GET1: variants seen among roughly 807,000 people sequenced by gnomAD.
The protein encoded by GET1 is congenital heart disease 5 protein.
Under a neutral mutation model 22.6 loss-of-function variants are expected in GET1, and 20 were observed. That is an observed-to-expected ratio of 0.89 (90% CI 0.62 to 1.29). The LOEUF (loss-of-function observed/expected upper bound fraction) is 1.29. GET1 is among the 50% of genes most tolerant of loss of function. The pLI is 0.00. For synonymous variants in GET1, 92 were observed against 83.8 expected, an observed-to-expected ratio of 1.10 and a Z score of -0.53; for missense variants, 209 against 219.9, an observed-to-expected ratio of 0.95 and a Z score of 0.31.
At chr21:39,384,894 T>A (rs914609889) in intron 1 of GET1, among the ~76,000 whole-genome samples, 52 of 152,250 alleles carry the variant, frequency 3.4e-4, no homozygotes, top group African/African-American at 1.2e-3. Flanking sequence ...TGTTAACACT[T>A]GTTGTTAGCC....
At chr21:39,409,937 TAAAG>T (rs548502656), downstream of GET1, 164 of 1,167,864 alleles carry the variant, frequency 1.4e-4, 1 homozygote, top group African/African-American at 2.3e-3. The surrounding 1 kb of genome is among the most constrained non-coding windows in gnomAD (Gnocchi z 4.2). Flanking sequence ...TTCACAATTT[TAAAG>T]AAATCAGATA....
At chr21:39,393,770 C>T (rs1473378131) in intron 4 of GET1, among the ~76,000 whole-genome samples, 3 of 152,092 alleles carry the variant, frequency 2.0e-5, no homozygotes, top group Non-Finnish European at 4.4e-5. Context: ...ATGCCTCAGC[C>T]TCCCAACTAG....
downstream of GET1, among the ~76,000 whole-genome samples, chr21:39,399,015 C>T (rs1245241754): frequency 6.6e-6 from 1 of 152,262 alleles, no homozygotes; most frequent in Admixed American, 6.5e-5. Context: ...GCTGGGATTA[C>T]AGGCGCAAGC....
rs66478742 is a variant in GET1, at chr21:39,414,742, C to CTGTG, written c.*23+3839_*23+3842dup. On this transcript the variant is annotated intron_variant, in intron 1 of 1. Coordinates refer to the GET1 transcript ENST00000478273. ...TCTCTCTCTCTCTCTCTCTCTCTCT[C>CTGTG]TGTGTGTGTGTGTGTGTGTGTGTGT... Among the ~76,000 whole-genome samples, 191 of 99,214 alleles carry CTGTG rather than the reference C, an allele frequency of 1.9e-3. 1 individual carries two copies. The highest frequency in any genetic ancestry group is 0.018 in the South Asian group (42 of 2,326). The allele number at this position is 99,214 out of a possible 152,430, so 65.1% of individuals were successfully genotyped here.
chr21:39,400,749 AATGCGT>A (rs2038819084), downstream of GET1, among the ~76,000 whole-genome samples: 1 of 152,130 alleles, frequency 6.6e-6, no homozygotes, highest in Non-Finnish European at 1.5e-5. Context: ...TTTGGGTTCT[AATGCGT>A]ATCAATCTAT....
intron 4 of GET1, among the ~76,000 whole-genome samples, chr21:39,395,997 T>C (rs946414740): frequency 2.0e-5 from 3 of 152,200 alleles, no homozygotes; most frequent in African/African-American, 2.4e-5. Flanking sequence ...ATATCATAAA[T>C]AGTAATGCAC....
At chr21:39,411,962 A>G (rs1020627767) in intron 1 of GET1, among the ~76,000 whole-genome samples, 6 of 152,228 alleles carry the variant, frequency 3.9e-5, no homozygotes, top group African/African-American at 1.4e-4. Flanking sequence ...CATTCCTGAC[A>G]TCGAAAAGTA....
intron 1 of GET1, among the ~76,000 whole-genome samples, chr21:39,416,234 T>C (rs917783593): frequency 2.5e-4 from 38 of 152,232 alleles, no homozygotes; most frequent in Admixed American, 6.5e-4. Context: ...TGTTCCCTAG[T>C]ATCCTCCACA....
intron 4 of GET1, among the ~76,000 whole-genome samples, chr21:39,394,787 T>TGG (rs1386441029): frequency 6.6e-6 from 1 of 152,138 alleles, no homozygotes; most frequent in South Asian, 2.1e-4. Flanking sequence ...GCCATCACTG[T>TGG]GGGGGGTAGC....
intron 4 of GET1, 59 bp downstream of exon 4, chr21:39,393,339 T>C: frequency 7.3e-7 from 1 of 1,373,724 alleles, no homozygotes; most frequent in Non-Finnish European, 1.0e-6. Flanking sequence ...TAGAGGTGTG[T>C]GGTAGAAGAT....
chr21:39,386,359 C>T (rs1242367230), intron 1 of GET1: 2 of 152,240 alleles, frequency 1.3e-5, no homozygotes, highest in Non-Finnish European at 2.9e-5. Context: ...CGACTCTCTG[C>T]TTCACAGGAC....
intron 1 of GET1, among the ~76,000 whole-genome samples, chr21:39,385,816 G>T (rs548204502): frequency 6.6e-6 from 1 of 152,264 alleles, no homozygotes; most frequent in African/African-American, 2.4e-5. Flanking sequence ...GGTGCCCCAG[G>T]ACTGGCACGG....
chr21:39,423,443 G>C (rs1476847123), intron 1 of GET1: 1 of 1,589,294 alleles, frequency 6.3e-7, no homozygotes, highest in Admixed American at 1.8e-5. Flanking sequence ...GAATTAAAGA[G>C]TGATGCATTC....
Position 39,389,960 on chromosome 21 carries a change from C to T in GET1, c.103-738C>T, listed in dbSNP as rs184922937. Among the ~76,000 whole-genome samples the T allele has an allele frequency of 4.0e-4, 60 of 151,298 alleles. 1 individual carries two copies. The highest frequency in any genetic ancestry group is 3.9e-3 in the Admixed American group (60 of 15,212). ...AATTGCAATTTTATTTATAGTGAAA[C>T]AGACAAACATTTGTATTGGAGCAAA... is the stretch of plus-strand genomic sequence containing the variant. On this transcript the variant is annotated intron_variant, in intron 1 of 4. Coordinates refer to ENST00000649170, the MANE Select transcript of GET1 (RefSeq NM_004627.6).
intron 2 of GET1, 177 bp from the exon 3 acceptor site, chr21:39,391,592 C>T: frequency 3.3e-6 from 2 of 605,504 alleles, no homozygotes; most frequent in Non-Finnish European, 5.7e-6. Context: ...TAAATAATGG[C>T]ATAATGAGAT....
intron 1 of GET1, chr21:39,387,861 C>T (rs2038023160): frequency 2.0e-6 from 2 of 982,612 alleles, no homozygotes; most frequent in Non-Finnish European, 2.4e-6. Flanking sequence ...GACCTGTAAG[C>T]TGGAAGGGGG....
At chr21:39,381,664 A>T (rs2037561981) in intron 1 of GET1, among the ~76,000 whole-genome samples, 1 of 152,226 alleles carries the variant, frequency 6.6e-6, no homozygotes, top group Non-Finnish European at 1.5e-5. Flanking sequence ...AATACACATA[A>T]TATGAAGTTT....
chr21:39,398,358 T>C (rs2038751568), downstream of GET1, among the ~76,000 whole-genome samples: 1 of 152,148 alleles, frequency 6.6e-6, no homozygotes. Flanking sequence ...GCACCGGCCA[T>C]GTAGAGCGTG....
At chr21:39,396,546 G>T (rs1377990231) in intron 4 of GET1, among the ~76,000 whole-genome samples, 1 of 151,476 alleles carries the variant, frequency 6.6e-6, no homozygotes. Context: ...AATTAGCCAG[G>T]TGTGGTGGTG....
Sources: allele counts gnomAD v4.1 joint callset (sites outside exome capture counted in the v4.1 genomes callset), GRCh38; gene constraint gnomAD v4.1.1; non-coding constraint Gnocchi (gnomAD v3.1); transcripts MANE v1.5; gene names NCBI Gene and HGNC (gene_info 2026-07-23, HGNC 2026-07-21).